Variants in PDGFA observed in about 807,000 individuals in gnomAD.
PDGFA encodes the protein platelet derived growth factor subunit A.
PDGFA carries 9 observed loss-of-function variants against 25.6 expected under a neutral mutation model. The ratio of observed to expected loss-of-function variants is 0.35; its 90% CI spans 0.21 to 0.61. The LOEUF is 0.61. Among genes scored for constraint, PDGFA ranks in the 20% least tolerant of loss-of-function variants. PDGFA has a pLI of 0.75. For synonymous variants in PDGFA, 133 were observed against 111.8 expected (o/e 1.19, Z -1.20); for missense variants, 242 against 272.8 (o/e 0.89, Z 0.79).
Position 500,639 on chromosome 7 carries a change from C to A in PDGFA, c.580+477G>T. 1 of 1,490,230 alleles carries A rather than the reference C, an allele frequency of 6.7e-7. No homozygotes were observed. The highest frequency in any genetic ancestry group is 2.4e-5 in the East Asian group (1 of 40,964). 92.3% of individuals were successfully genotyped at this position (1,490,230 alleles called of 1,614,324 possible). A position where few individuals can be genotyped will look rare whatever the true frequency, so the allele number is the denominator to read the frequency against. ...CCCTGGCACCGAGAAACTTCTGAGT[C>A]CCCTCATGCTCCCAGGGCCCAGCCA... On this transcript the variant is annotated intron_variant, in intron 5 of 5. Coordinates refer to ENST00000402802, the Ensembl canonical transcript of PDGFA. The surrounding 1 kb of genome is among the most constrained non-coding windows in gnomAD (Gnocchi z 5.0).
rs755198273 is a variant in PDGFA at position 500,474 on chromosome 7, T to G, written c.580+642A>C. ...TGGGTTTTAACCTTTTTCTTTTCCG[T>G]TTTTTACCTGACTCCCTAGGCCTTC... On this transcript the variant is annotated intron_variant, in intron 5 of 5. Transcript: ENST00000402802. The surrounding 1 kb of genome is among the most constrained non-coding windows in gnomAD (Gnocchi z 5.0). 1 of 1,613,962 alleles carries G rather than the reference T, an allele frequency of 6.2e-7. No individual in the cohort carries two copies. The highest frequency in any genetic ancestry group is 1.1e-5 in the South Asian group (1 of 91,062).
Position 517,464 on chromosome 7 carries a change from G to A in PDGFA, c.90C>T (p.Ile30=). 1.5e-6 allele frequency: 2 copies of A among 1,373,318 alleles called. No individual in the cohort carries two copies. The allele number at this position is 1,373,318 out of a possible 1,614,324, so 85.1% of individuals were successfully genotyped here. Residue 30 remains isoleucine (I), a synonymous_variant, in exon 2 of 6, where the codon ATC becomes ATT. Transcript: ENST00000402802. The surrounding 1 kb of genome is among the most constrained non-coding windows in gnomAD (Gnocchi z 7.4). ...GGATCTGACTGCGGGCCAGCCTCTC[G>A]ATCACCTCGCGGGGGATCTCGGCTT...
intron 4 of PDGFA, among the ~76,000 whole-genome samples, chr7:507,753 GA>G (rs1265762127): frequency 6.6e-6 from 1 of 152,244 alleles, no homozygotes; most frequent in Non-Finnish European, 1.5e-5. Flanking sequence ...CCGAAAGGCA[GA>G]AACTGCGCCC....
intron 4 of PDGFA, among the ~76,000 whole-genome samples, chr7:507,486 A>G (rs1326322064): frequency 6.6e-6 from 1 of 152,174 alleles, no homozygotes; most frequent in Non-Finnish European, 1.5e-5. Context: ...CAGCCTCCTC[A>G]GGGGGCCGGG....
At chr7:511,046 C>A in intron 3 of PDGFA, 50 bp from the exon 4 acceptor site, 1 of 1,489,494 alleles carries the variant, frequency 6.7e-7, no homozygotes, top group Non-Finnish European at 9.3e-7. Context: ...GCGACCACGG[C>A]CCCACCCCAG....
At chr7:502,787 CACACACACACACACACACACACAT>C (rs1433673449) in intron 4 of PDGFA, among the ~76,000 whole-genome samples, 1 of 144,582 alleles carries the variant, frequency 6.9e-6, no homozygotes, top group Non-Finnish European at 1.5e-5. Context: ...CACACACACA[CACACACACACACACACACACACAT>C]AATGCACATA....
chr7:509,606 G>C (rs1209720033), intron 4 of PDGFA, among the ~76,000 whole-genome samples: 1 of 152,086 alleles, frequency 6.6e-6, no homozygotes, highest in African/African-American at 2.4e-5. Context: ...AGTTTCTAGG[G>C]TAGAGGCTTC....
intron 4 of PDGFA, among the ~76,000 whole-genome samples, chr7:508,180 C>T (rs956459580): frequency 4.6e-5 from 7 of 152,122 alleles, no homozygotes; most frequent in Admixed American, 6.5e-5. Flanking sequence ...CATCTCCCTC[C>T]GGGGCCTAGG....
chr7:519,498 T>TGCGAGCC (rs942419858), upstream of PDGFA: 2 of 150,550 alleles, frequency 1.3e-5, no homozygotes, highest in African/African-American at 4.9e-5. Context: ...GGCTGCGAGC[T>TGCGAGCC]GCGAGCCGCC....
chr7:499,656 GA>G (rs953737670), intron 5 of PDGFA, among the ~76,000 whole-genome samples: 8 of 127,040 alleles, frequency 6.3e-5, no homozygotes, highest in Non-Finnish European at 1.3e-4. Context: ...TGGCAGCTGA[GA>G]AAAACACAAA....
chr7:510,046 ACTC>A (rs1782730938), intron 4 of PDGFA, among the ~76,000 whole-genome samples: 1 of 150,376 alleles, frequency 6.6e-6, no homozygotes, highest in African/African-American at 2.4e-5. Context: ...TCCACCCCCT[ACTC>A]CTCCTGCCAT....
exon 1 of PDGFA, chr7:519,349 G>A (rs1414313750): frequency 1.4e-4 from 40 of 277,190 alleles, no homozygotes; most frequent in Non-Finnish European, 1.8e-4. Flanking sequence ...CGCTCCCCGC[G>A]CTGGCTTCAG....
chr7:501,630 C>T (rs1253032500), intron 4 of PDGFA, among the ~76,000 whole-genome samples: 2 of 152,000 alleles, frequency 1.3e-5, no homozygotes, highest in East Asian at 1.9e-4. Flanking sequence ...GCTATGTTGC[C>T]GAGGTTGATG....
Position 517,007 on chromosome 7 carries a change from C to T in PDGFA, c.160+387G>A, listed in dbSNP as rs1432601219. Among the ~76,000 whole-genome samples, 4 of 151,414 alleles carry T rather than the reference C, an allele frequency of 2.6e-5. No homozygotes were observed. The highest frequency in any genetic ancestry group is 9.6e-5 in the African/African-American group (4 of 41,456). ...GGAGCCGCGCCTGCCCTTGGGGCCT[C>T]GCTCCGCGGGCTGCCCGCCCGGCGC... On this transcript the variant is annotated intron_variant, in intron 2 of 5. Coordinates refer to ENST00000402802, the Ensembl canonical transcript of PDGFA. The surrounding 1 kb of genome is among the most constrained non-coding windows in gnomAD (Gnocchi z 7.4).
chr7:503,430 G>A (rs1296015302), intron 4 of PDGFA, among the ~76,000 whole-genome samples: 1 of 152,196 alleles, frequency 6.6e-6, no homozygotes, highest in African/African-American at 2.4e-5. Context: ...AGGGGCGTGG[G>A]GGAATGCACG....
At chr7:511,957 A>G (rs180690564) in intron 3 of PDGFA, among the ~76,000 whole-genome samples, 1 of 152,216 alleles carries the variant, frequency 6.6e-6, no homozygotes, top group African/African-American at 2.4e-5. Context: ...CAGCCGGCGC[A>G]GGAGCACGAT....
chr7:520,230 G>T (rs1001846470), upstream of PDGFA: 114 of 218,278 alleles, frequency 5.2e-4, no homozygotes, highest in Non-Finnish European at 8.7e-4. Context: ...AGCGGGCAGC[G>T]CCCAGAGCTG....
In PDGFA at chr7:500,436, T is replaced by A; in HGVS notation, c.580+680A>T. On this transcript the variant is annotated intron_variant, in intron 5 of 5. Transcript: ENST00000402802. The surrounding 1 kb of genome is among the most constrained non-coding windows in gnomAD (Gnocchi z 5.0). ...TGTCCGGCAGACAGTCCTACCTGGT[T>A]GGCTGCTTTAGGTGGGTTTTAACCT... 6.2e-7 allele frequency: 1 copy of A among 1,614,146 alleles called. No homozygotes were observed. The highest frequency in any genetic ancestry group is 8.5e-7 in the Non-Finnish European group (1 of 1,180,020).
chr7:508,387 G>A (rs1320796164), intron 4 of PDGFA, among the ~76,000 whole-genome samples: 4 of 151,578 alleles, frequency 2.6e-5, no homozygotes, highest in Non-Finnish European at 4.4e-5. Context: ...GCAACACAGC[G>A]AGATCCCCGA....
Sources: allele counts gnomAD v4.1 joint callset (sites outside exome capture counted in the v4.1 genomes callset), GRCh38; gene constraint gnomAD v4.1.1; non-coding constraint Gnocchi (gnomAD v3.1); transcripts MANE v1.5; gene names NCBI Gene and HGNC (gene_info 2026-07-23, HGNC 2026-07-21).